NKAIN3: variants seen among roughly 807,000 people sequenced by gnomAD.
NKAIN3 encodes the protein sodium/potassium-transporting ATPase subunit beta-1-interacting protein 3.
NKAIN3 carries 25 observed loss-of-function variants against 30.2 expected under a neutral mutation model. That is an observed-to-expected ratio of 0.83 (90% CI 0.60 to 1.16). The LOEUF (loss-of-function observed/expected upper bound fraction) is 1.16. Ranked by LOEUF, NKAIN3 falls within the 50% of genes most tolerant of loss-of-function variation. The pLI is 0.00. For missense variants in NKAIN3, 225 were observed against 254.1 expected (o/e 0.89, Z 0.78); for synonymous variants, 91 against 89.6 (o/e 1.02, Z -0.09).
At chr8:62,944,005 G>A (rs1001421417) in intron 5 of NKAIN3, among the ~76,000 whole-genome samples, 4 of 151,904 alleles carry the variant, frequency 2.6e-5, no homozygotes, top group Admixed American at 6.6e-5. Context: ...TTGGGGAATA[G>A]GGGGAAGGGT....
chr8:62,705,402 T>C (rs1211023727), intron 3 of NKAIN3, among the ~76,000 whole-genome samples: 2 of 152,188 alleles, frequency 1.3e-5, no homozygotes, highest in Non-Finnish European at 2.9e-5. Context: ...AGAGACAACA[T>C]TGGACCTAGC....
chr8:62,512,084 A>C (rs74597093), intron 1 of NKAIN3, among the ~76,000 whole-genome samples: 1 of 152,130 alleles, frequency 6.6e-6, no homozygotes, highest in East Asian at 1.9e-4. Flanking sequence ...GCTTTTAGCA[A>C]AATGAACTTT....
At chr8:62,637,934 T>A (rs1391612493) in intron 3 of NKAIN3, among the ~76,000 whole-genome samples, 1 of 152,128 alleles carries the variant, frequency 6.6e-6, no homozygotes, top group African/African-American at 2.4e-5. Context: ...GGCAGAGAAA[T>A]GTACTTATGG....
chr8:62,986,560 T>C (rs1025868270), downstream of NKAIN3, among the ~76,000 whole-genome samples: 17 of 152,180 alleles, frequency 1.1e-4, no homozygotes, highest in Non-Finnish European at 2.1e-4. Context: ...TAGATGTTCC[T>C]ATAATCTAAT....
intron 1 of NKAIN3, among the ~76,000 whole-genome samples, chr8:62,394,544 A>G (rs1645702352): frequency 1.0e-5 from 1 of 97,880 alleles, no homozygotes. Flanking sequence ...GGGCATAAAG[A>G]TCACACACAA....
intron 4 of NKAIN3, among the ~76,000 whole-genome samples, chr8:62,800,408 C>T (rs990608115): frequency 6.6e-6 from 1 of 152,094 alleles, no homozygotes; most frequent in Non-Finnish European, 1.5e-5. Flanking sequence ...CCAAGTCTAC[C>T]ACTCTGCCAC....
At chr8:62,837,104 C>T (rs1686539256) in intron 4 of NKAIN3, among the ~76,000 whole-genome samples, 1 of 152,110 alleles carries the variant, frequency 6.6e-6, no homozygotes, top group Non-Finnish European at 1.5e-5. Flanking sequence ...TAGTAGTCAG[C>T]TTTTCCAGTG....
intron 4 of NKAIN3, among the ~76,000 whole-genome samples, chr8:62,848,753 A>C (rs1391039760): frequency 2.0e-5 from 3 of 152,176 alleles, no homozygotes; most frequent in African/African-American, 7.2e-5. Context: ...GCCAGTTTTC[A>C]AGGGGAATGC....
At chr8:62,667,287 T>TA (rs1813138050) in intron 3 of NKAIN3, among the ~76,000 whole-genome samples, 1 of 146,712 alleles carries the variant, frequency 6.8e-6, no homozygotes, top group African/African-American at 2.5e-5. Context: ...CCCTAGATCT[T>TA]AAAGTATAAT....
At chr8:62,644,950 T>C (rs1210149525) in intron 3 of NKAIN3, among the ~76,000 whole-genome samples, 1 of 152,174 alleles carries the variant, frequency 6.6e-6, no homozygotes, top group Non-Finnish European at 1.5e-5. Flanking sequence ...ATGTGAACTC[T>C]GTTGCATTTT....
chr8:62,743,470 TTCAA>T (rs1366504300), intron 3 of NKAIN3, among the ~76,000 whole-genome samples: 11 of 152,348 alleles, frequency 7.2e-5, no homozygotes, highest in Admixed American at 1.3e-4. Flanking sequence ...TATAGATTTA[TTCAA>T]TCAAAGTTTT....
chr8:62,630,277 A>G (rs1811915582), intron 3 of NKAIN3, among the ~76,000 whole-genome samples: 1 of 152,110 alleles, frequency 6.6e-6, no homozygotes, highest in African/African-American at 2.4e-5. Flanking sequence ...AAATTGTTTG[A>G]GCAAGAAGTA....
At chr8:62,813,632 T>C (rs1322612337) in intron 4 of NKAIN3, among the ~76,000 whole-genome samples, 1 of 151,968 alleles carries the variant, frequency 6.6e-6, no homozygotes, top group Non-Finnish European at 1.5e-5. Flanking sequence ...TTTTTGGTTG[T>C]TTTATATACT....
At chr8:62,271,838 A>G (rs992040599) in intron 1 of NKAIN3, among the ~76,000 whole-genome samples, 3 of 152,180 alleles carry the variant, frequency 2.0e-5, no homozygotes, top group African/African-American at 7.2e-5. Flanking sequence ...TATTATCCAC[A>G]ACACTTAGGG....
chr8:62,864,152 G>C, intron 4 of NKAIN3: 1 of 624,638 alleles, frequency 1.6e-6, no homozygotes, highest in Non-Finnish European at 2.8e-6. Flanking sequence ...AAACCAGCCG[G>C]GCTGCGGCTT....
chr8:62,591,294 A>T (rs1335260333), intron 3 of NKAIN3, among the ~76,000 whole-genome samples: 1 of 151,898 alleles, frequency 6.6e-6, no homozygotes, highest in East Asian at 1.9e-4. Context: ...TCTTGAGTCC[A>T]AATCTGGTCT....
intron 3 of NKAIN3, among the ~76,000 whole-genome samples, chr8:62,669,580 A>G (rs1357272730): frequency 1.3e-5 from 2 of 152,186 alleles, no homozygotes; most frequent in East Asian, 3.8e-4. Context: ...AGCATGTATA[A>G]TCATGACTAC....
intron 4 of NKAIN3, among the ~76,000 whole-genome samples, chr8:62,907,520 C>A (rs764703063): frequency 6.6e-6 from 1 of 152,138 alleles, no homozygotes; most frequent in African/African-American, 2.4e-5. Flanking sequence ...TGGCAGCGCC[C>A]CCCATAACAA....
intron 3 of NKAIN3, among the ~76,000 whole-genome samples, chr8:62,596,319 A>G (rs983771091): frequency 4.6e-5 from 7 of 151,958 alleles, no homozygotes; most frequent in African/African-American, 1.5e-4. Context: ...TTTCTAATGG[A>G]GGGTCCTGCC....
Sources: gnomAD v4.1 joint callset for allele counts (sites outside exome capture counted in the v4.1 genomes callset) on GRCh38, gnomAD v4.1.1 for gene constraint, MANE v1.5 for transcripts, NCBI Gene and HGNC (gene_info 2026-07-23, HGNC 2026-07-21) for gene names.